Variants in STXBP5 observed in about 807,000 individuals in gnomAD.
STXBP5 encodes syntaxin-binding protein 5.
STXBP5 carries 50 observed loss-of-function variants against 152.4 expected under a neutral mutation model. The ratio of observed to expected loss-of-function variants is 0.33; its 90% CI spans 0.26 to 0.42. The LOEUF is 0.42. Among genes scored for constraint, STXBP5 ranks in the 10% least tolerant of loss-of-function variants. The pLI is 1.00. For missense variants in STXBP5, 1,167 were observed against 1,388.6 expected, an observed-to-expected ratio of 0.84 and a Z score of 2.54; for synonymous variants, 492 against 494.7, an observed-to-expected ratio of 0.99 and a Z score of 0.07.
Position 147,386,874 on chromosome 6 carries a change from T to G in STXBP5, c.*2119T>G, listed in dbSNP as rs1786365025. On this transcript the variant is annotated 3_prime_UTR_variant, in exon 28 of 28. Transcript: ENST00000321680. The stretch of plus-strand genomic sequence containing the variant: ...GTCATATTAGCTGCAATTATTTAAT[T>G]TGCTGTGTTATTTTGTGTTATATAA... 6.6e-6 allele frequency: 1 copy of G among 151,764 alleles called. No individual in the cohort carries two copies. Among genetic ancestry groups the G allele is most frequent in the African/African-American group, 2.4e-5 (1 of 41,424 alleles). 9.4% of individuals were successfully genotyped at this position (151,764 alleles called of 1,614,324 possible).
At chr6:147,229,625 T>A (rs372907689) in intron 2 of STXBP5, among the ~76,000 whole-genome samples, 11 of 152,100 alleles carry the variant, frequency 7.2e-5, no homozygotes, top group African/African-American at 2.6e-4. Context: ...CTATTCCTTA[T>A]GATGTTATTG....
At chr6:147,264,786 T>C (rs1490193899) in intron 6 of STXBP5, among the ~76,000 whole-genome samples, 1 of 152,094 alleles carries the variant, frequency 6.6e-6, no homozygotes, top group Admixed American at 6.6e-5. Flanking sequence ...TAAATATTTA[T>C]TATTCTCTTG....
In STXBP5 at chr6:147,313,912, T is replaced by C. The variant is rs1377447405; in HGVS notation, c.1174T>C (p.Leu392=). Residue 392 remains leucine (L), a synonymous_variant, in exon 12 of 28, where the codon TTG becomes CTG. Coordinates refer to ENST00000321680, the MANE Select transcript of STXBP5 (RefSeq NM_001127715.4). ...TCCTATATTTGAAAATCCCTACCCT[T>C]TGAGTATACATGAGTCCCCTGTTAC... is the stretch of plus-strand genomic sequence containing the variant. ...GYPIFENPYP[L]SIHESPVTCC... 2.5e-6 allele frequency: 4 copies of C among 1,579,332 alleles called. No individual in the cohort carries two copies. In the African/African-American group the frequency reaches 4.0e-5, roughly 16 times the overall value.
At chr6:147,302,783 C>G (rs1582913757) in intron 9 of STXBP5, among the ~76,000 whole-genome samples, 1 of 152,204 alleles carries the variant, frequency 6.6e-6, no homozygotes, top group African/African-American at 2.4e-5. Context: ...CCATTGTACT[C>G]CAAATTGGTG....
At chr6:147,343,514 G>A (rs1004651017) in intron 21 of STXBP5, among the ~76,000 whole-genome samples, 2 of 152,114 alleles carry the variant, frequency 1.3e-5, no homozygotes, top group Non-Finnish European at 2.9e-5. Context: ...GAGAAGTTAA[G>A]TGACACATCC....
intron 2 of STXBP5, among the ~76,000 whole-genome samples, chr6:147,211,646 G>A (rs1776860551): frequency 6.6e-6 from 1 of 152,150 alleles, no homozygotes; most frequent in Admixed American, 6.6e-5. Flanking sequence ...GCATGCAGTG[G>A]CAGGATTATA....
chr6:147,303,583 A>G (rs7759906), intron 9 of STXBP5, among the ~76,000 whole-genome samples: 3 of 152,216 alleles, frequency 2.0e-5, no homozygotes, highest in African/African-American at 4.8e-5. Flanking sequence ...GGAAGTGACT[A>G]TGGAACTGGG....
intron 21 of STXBP5, among the ~76,000 whole-genome samples, chr6:147,351,633 G>A (rs748156638): frequency 6.6e-6 from 1 of 152,112 alleles, no homozygotes; most frequent in Non-Finnish European, 1.5e-5. Flanking sequence ...GTTTTGTATT[G>A]CATTTTCTTT....
chr6:147,223,651 T>C (rs562741522), intron 2 of STXBP5, among the ~76,000 whole-genome samples: 1 of 152,314 alleles, frequency 6.6e-6, no homozygotes, highest in East Asian at 1.9e-4. Flanking sequence ...AAAACCAAAA[T>C]GTACAAACAA....
intron 9 of STXBP5, among the ~76,000 whole-genome samples, chr6:147,296,865 G>A (rs900825809): frequency 6.6e-6 from 1 of 151,988 alleles, no homozygotes; most frequent in Admixed American, 6.6e-5. Flanking sequence ...TCAAGCAAAA[G>A]AAAGAATTTC....
chr6:147,350,153 G>T (rs1239240078), intron 21 of STXBP5, among the ~76,000 whole-genome samples: 3 of 152,098 alleles, frequency 2.0e-5, no homozygotes, highest in African/African-American at 7.2e-5. Flanking sequence ...CAATAAAAAT[G>T]TTGAAACTAG....
chr6:147,349,549 G>A (rs184530860), intron 21 of STXBP5, among the ~76,000 whole-genome samples: 53 of 152,220 alleles, frequency 3.5e-4, no homozygotes, highest in African/African-American at 8.7e-4. Flanking sequence ...ATCTTGTTTC[G>A]TGAAAATGTA....
intron 8 of STXBP5, among the ~76,000 whole-genome samples, chr6:147,281,013 G>T (rs1453504027): frequency 1.3e-5 from 2 of 152,056 alleles, no homozygotes; most frequent in Non-Finnish European, 2.9e-5. Context: ...AGGGTTTCCA[G>T]CTTTCTTTTT....
rs1429299912 is a variant in STXBP5, at chr6:147,386,786, TGAA to T, written c.*2036_*2038del. On this transcript the variant is annotated 3_prime_UTR_variant, in exon 28 of 28. Coordinates refer to ENST00000321680, the MANE Select transcript of STXBP5 (RefSeq NM_001127715.4). ...TCAATAAAATCAACAGTTATGGATT[TGAA>T]GAAGTTGGGAAAGCATTATGTAGAT... is the stretch of plus-strand genomic sequence containing the variant. The T allele has an allele frequency of 6.6e-6, 1 of 151,804 alleles. No homozygotes were observed. Among genetic ancestry groups the T allele is most frequent in the African/African-American group, 2.4e-5 (1 of 41,424 alleles). 9.4% of individuals were successfully genotyped at this position (151,804 alleles called of 1,614,324 possible). A position where few individuals can be genotyped will look rare whatever the true frequency, so the allele number is the denominator to read the frequency against.
Position 147,360,796 on chromosome 6 carries a change from G to A in STXBP5, c.2545+1473G>A, listed in dbSNP as rs1300438929. On this transcript the variant is annotated intron_variant, in intron 23 of 27. Coordinates refer to ENST00000321680, the MANE Select transcript of STXBP5 (RefSeq NM_001127715.4). ...AATGTTTGTGGAGTCTGTTAGGTGA[G>A]GAGATAACTGAGAATTCTGATTTCT... Among the ~76,000 whole-genome samples, 8 of 152,222 alleles carry A rather than the reference G, an allele frequency of 5.3e-5. 1 individual carries two copies. The South Asian group carries it at 1.7e-3, about 32-fold the overall frequency.
rs1562430772 is a variant in STXBP5, at chr6:147,239,261, G to T, written c.422G>T (p.Cys141Phe). ...RPAILHSLKF[C>F]RERVTFCHLP... ...GCCATACTACATTCGCTTAAATTTT[G>T]CAGAGAAAGGTAAGAATTCTCCCAG... is the stretch of plus-strand genomic sequence containing the variant. Residue 141 changes from cysteine (C) to phenylalanine (F), a missense_variant, in exon 4 of 28, where the codon TGC becomes TTC. Coordinates refer to ENST00000321680, the MANE Select transcript of STXBP5 (RefSeq NM_001127715.4). The T allele has an allele frequency of 6.2e-7, 1 of 1,613,280 alleles. No homozygotes were observed. Among genetic ancestry groups the T allele is most frequent in the East Asian group, 2.2e-5 (1 of 44,806 alleles).
chr6:147,322,713 C>T (rs1782998674), intron 16 of STXBP5, among the ~76,000 whole-genome samples: 1 of 152,144 alleles, frequency 6.6e-6, no homozygotes, highest in Non-Finnish European at 1.5e-5. Context: ...GTTGTGCAAT[C>T]AAAAATGTTT....
chr6:147,232,612 C>T (rs1778061443), intron 2 of STXBP5, among the ~76,000 whole-genome samples: 1 of 151,706 alleles, frequency 6.6e-6, no homozygotes, highest in Non-Finnish European at 1.5e-5. Flanking sequence ...GAGAAAAAAT[C>T]ATTTCTCTGA....
At chr6:147,243,978 T>C (rs1043522802) in intron 4 of STXBP5, among the ~76,000 whole-genome samples, 1 of 152,174 alleles carries the variant, frequency 6.6e-6, no homozygotes, top group African/African-American at 2.4e-5. Context: ...TTGTCTGTTA[T>C]TTTTCTAATA....
Sources: gnomAD v4.1 joint callset for allele counts (sites outside exome capture counted in the v4.1 genomes callset) on GRCh38, gnomAD v4.1.1 for gene constraint, MANE v1.5 for transcripts, NCBI Gene and HGNC (gene_info 2026-07-23, HGNC 2026-07-21) for gene names.